Variants in FAP observed in about 807,000 individuals in gnomAD.
The protein encoded by FAP is fibroblast activation protein alpha, also known as prolyl endopeptidase FAP.
Under a neutral mutation model 126.5 loss-of-function variants are expected in FAP, and 110 were observed. That is an observed-to-expected ratio of 0.87 (90% confidence interval 0.74 to 1.02). FAP has a LOEUF of 1.02. FAP is among the 50% of genes least tolerant of loss of function. The pLI, the probability that FAP is intolerant of heterozygous loss-of-function variation, is 0.00. For synonymous variants in FAP, 334 were observed against 297.3 expected (o/e 1.12, Z -1.27); for missense variants, 919 against 909.2 (o/e 1.01, Z -0.14).
At chr2:162,191,218 G>A (rs1268801959) in intron 17 of FAP, among the ~76,000 whole-genome samples, 1 of 152,096 alleles carries the variant, frequency 6.6e-6, no homozygotes, top group Non-Finnish European at 1.5e-5. Flanking sequence ...GTGTTGTCAC[G>A]TGGTTATGGC....
chr2:162,214,000 T>C lies in FAP; in HGVS notation c.940A>G (p.Asn314Asp). ...VCLQWLKRVQ[N>D]VSVLSICDFR... is the part of the protein sequence containing the mutation. ...TCACATATAGACAGGACCGAAACAT[T>C]CTGGACTCTTTTTAGCCACTGCAAA... Residue 314 changes from asparagine (N) to aspartate (D), a missense_variant, in exon 11 of 26, where the codon AAT becomes GAT. Transcript: ENST00000188790. 6.2e-7 allele frequency: 1 copy of C among 1,614,092 alleles called. No homozygotes were observed. Among genetic ancestry groups the C allele is most frequent in the East Asian group, 2.2e-5 (1 of 44,854 alleles).
chr2:162,221,536 T>G (rs566631285), intron 6 of FAP: 5 of 340,824 alleles, frequency 1.5e-5, no homozygotes, highest in Admixed American at 3.7e-5. Context: ...AAAAAAAAAA[T>G]AAGAAGACAT....
chr2:162,174,784 TA>T, intron 22 of FAP, 82 bp downstream of exon 22: 1 of 918,582 alleles, frequency 1.1e-6, no homozygotes, highest in Non-Finnish European at 1.7e-6. Flanking sequence ...TTTTACTGCA[TA>T]ATCCATTTTT....
chr2:162,224,711 A>G (rs939106866), intron 4 of FAP, among the ~76,000 whole-genome samples, 171 bp from the exon 5 acceptor site: 3 of 152,186 alleles, frequency 2.0e-5, no homozygotes, highest in African/African-American at 7.2e-5. Flanking sequence ...GAAATTTACT[A>G]GATACTATGG....
At chr2:162,206,801 GA>G (rs1285186455) in intron 12 of FAP, among the ~76,000 whole-genome samples, 1 of 152,152 alleles carries the variant, frequency 6.6e-6, no homozygotes, top group East Asian at 1.9e-4. Flanking sequence ...TAACTTAAAG[GA>G]CTGGATGTGT....
chr2:162,198,924 T>G, intron 15 of FAP, 43 bp from the exon 16 acceptor site: 1 of 1,577,408 alleles, frequency 6.3e-7, no homozygotes, highest in Non-Finnish European at 8.7e-7. Flanking sequence ...ATTTTGAGAT[T>G]GTATTTATCA....
Position 162,206,710 on chromosome 2 carries a change from C to A in FAP, c.1047+3242G>T, listed in dbSNP as rs117309866. Among the ~76,000 whole-genome samples, 657 of 152,166 alleles carry A rather than the reference C, an allele frequency of 4.3e-3. 28 individuals carry two copies. The East Asian group carries it at 0.11, about 24-fold the overall frequency. ...CTTCACTTTTCTGTCCTCTACAGAG[C>A]AAAACAAAACAAACATGTTTTAAAA... On this transcript the variant is annotated intron_variant, in intron 12 of 25. Coordinates refer to ENST00000188790, the MANE Select transcript of FAP (RefSeq NM_004460.5).
At chr2:162,196,461 C>G (rs534697806) in intron 16 of FAP, among the ~76,000 whole-genome samples, 1 of 151,268 alleles carries the variant, frequency 6.6e-6, no homozygotes, top group East Asian at 1.9e-4. Context: ...AATCAACCAG[C>G]ATCTACCCTG....
intron 21 of FAP, among the ~76,000 whole-genome samples, chr2:162,178,047 G>A (rs1021060908): frequency 1.3e-5 from 2 of 152,104 alleles, no homozygotes; most frequent in Non-Finnish European, 1.5e-5. Flanking sequence ...CCTATACTTA[G>A]GGCAACCTCT....
At chr2:162,235,177 T>C (rs12471168) in intron 2 of FAP, among the ~76,000 whole-genome samples, 5,210 of 38,232 alleles carry the variant, frequency 0.14, 452 homozygotes, top group Admixed American at 0.38. Context: ...GCCCGCCCCC[T>C]GTCACCTCCT....
chr2:162,196,653 G>A (rs970487182), intron 16 of FAP, among the ~76,000 whole-genome samples: 1 of 151,742 alleles, frequency 6.6e-6, no homozygotes, highest in Non-Finnish European at 1.5e-5. Context: ...TGTTCCATCA[G>A]CATCATCGAT....
chr2:162,184,439 T>C (rs1278291781), intron 20 of FAP, among the ~76,000 whole-genome samples: 1 of 152,242 alleles, frequency 6.6e-6, no homozygotes, highest in Non-Finnish European at 1.5e-5. Context: ...TTTTCATTAC[T>C]TGAATAATGT....
At chr2:162,202,820 A>T in intron 14 of FAP, 52 bp downstream of exon 14, 1 of 1,312,762 alleles carries the variant, frequency 7.6e-7, no homozygotes, top group African/African-American at 1.4e-5. Flanking sequence ...ATTTATGTCC[A>T]TCGGTGCCAA....
In FAP at chr2:162,182,786, A is replaced by G. The variant is rs146096377; in HGVS notation, c.1869+628T>C. On this transcript the variant is annotated intron_variant, in intron 21 of 25. Transcript: ENST00000188790. ...TTTCTCTAAACTTTCCAGTGACTTC[A>G]TTGCCCATAAACGATAAGTTTTGCC... Among the ~76,000 whole-genome samples, 82 of 152,316 alleles carry G rather than the reference A, an allele frequency of 5.4e-4. 1 individual carries two copies. Among genetic ancestry groups the G allele is most frequent in the Admixed American group, 3.4e-3 (52 of 15,294 alleles).
intron 16 of FAP, chr2:162,198,165 G>C (rs1316650334): frequency 1.6e-5 from 21 of 1,284,168 alleles, no homozygotes; most frequent in Non-Finnish European, 2.0e-5. Context: ...TGTTATATTT[G>C]ATGCATTACT....
intron 14 of FAP, among the ~76,000 whole-genome samples, chr2:162,202,537 C>T (rs1323639999): frequency 6.6e-6 from 1 of 152,192 alleles, no homozygotes; most frequent in Non-Finnish European, 1.5e-5. Context: ...TATCTATGGG[C>T]TGCCCTCCAG....
At chr2:162,190,980 G>A (rs1688021631) in intron 17 of FAP, among the ~76,000 whole-genome samples, 1 of 152,046 alleles carries the variant, frequency 6.6e-6, no homozygotes, top group Non-Finnish European at 1.5e-5. Flanking sequence ...ATCCATCAGG[G>A]AAGAGATACT....
chr2:162,194,392 C>T (rs983201759), intron 17 of FAP, among the ~76,000 whole-genome samples: 5 of 151,068 alleles, frequency 3.3e-5, no homozygotes, highest in Non-Finnish European at 5.9e-5. Flanking sequence ...ACTGAATGTG[C>T]TAAGTTTTTT....
chr2:162,230,768 G>T (rs755080208), intron 2 of FAP, among the ~76,000 whole-genome samples: 4 of 151,864 alleles, frequency 2.6e-5, no homozygotes, highest in Non-Finnish European at 5.9e-5. Flanking sequence ...TCTCTGGGGG[G>T]TGGGGTCCTG....
Sources: allele counts gnomAD v4.1 joint callset (sites outside exome capture counted in the v4.1 genomes callset), GRCh38; gene constraint gnomAD v4.1.1; transcripts MANE v1.5; gene names NCBI Gene and HGNC (gene_info 2026-07-23, HGNC 2026-07-21).